SBF2: variants seen among roughly 807,000 people sequenced by gnomAD.
SBF2 encodes the protein myotubularin-related protein 13.
A neutral mutation model predicts 225.2 loss-of-function variants in SBF2; 112 were observed. The ratio of observed to expected loss-of-function variants is 0.50; its 90% CI spans 0.43 to 0.58. The LOEUF is 0.58. SBF2 is among the 20% of genes least tolerant of loss of function. The pLI is 0.00. For missense variants in SBF2, 1,996 were observed against 2,206.2 expected (o/e 0.90, Z 1.91); for synonymous variants, 763 against 773.3 (o/e 0.99, Z 0.22).
chr11:9,895,926 G>C lies in SBF2; in HGVS notation c.1929+17C>G. 1 of 1,563,538 alleles carries C rather than the reference G, an allele frequency of 6.4e-7. No individual in the cohort carries two copies. Among genetic ancestry groups the C allele is most frequent in the Non-Finnish European group, 8.8e-7 (1 of 1,134,252 alleles). On this transcript the variant is annotated intron_variant, in intron 17 of 39. Transcript: ENST00000256190. ...TGTAAATCATAACAAGCTTATATAT[G>C]GACCAATGAAACTTACCCTATAGAA...
At chr11:10,125,108 C>CAA (rs374673085) in intron 2 of SBF2, among the ~76,000 whole-genome samples, 7,593 of 102,132 alleles carry the variant, frequency 0.074, 394 homozygotes, top group East Asian at 0.27. Context: ...GACTGTGTCT[C>CAA]AAAAAAAAAA....
intron 16 of SBF2, among the ~76,000 whole-genome samples, chr11:9,926,343 T>G (rs1864045871): frequency 6.6e-6 from 1 of 152,094 alleles, no homozygotes; most frequent in African/African-American, 2.4e-5. Context: ...TTTTTTTTCC[T>G]TTTAACAAAC....
chr11:10,084,388 T>A (rs138096968), intron 2 of SBF2, among the ~76,000 whole-genome samples: 45 of 152,314 alleles, frequency 3.0e-4, no homozygotes, highest in African/African-American at 1.1e-3. Context: ...GGCATCATCT[T>A]ATACCAGTCA....
At chr11:9,846,533 G>GACTA (rs1856559276) in intron 23 of SBF2, among the ~76,000 whole-genome samples, 1 of 152,116 alleles carries the variant, frequency 6.6e-6, no homozygotes, top group Non-Finnish European at 1.5e-5. Flanking sequence ...CTTTATCAGG[G>GACTA]GTATGCAACT....
chr11:10,286,141 A>T (rs1313365638), intron 1 of SBF2, among the ~76,000 whole-genome samples: 4 of 148,628 alleles, frequency 2.7e-5, no homozygotes, highest in South Asian at 2.1e-4. Context: ...AGAGATTTTA[A>T]ATTTCTTCAC....
At chr11:9,892,344 C>G (rs547171886) in intron 17 of SBF2, among the ~76,000 whole-genome samples, 1 of 151,896 alleles carries the variant, frequency 6.6e-6, no homozygotes, top group South Asian at 2.1e-4. Flanking sequence ...GTCTCGAACT[C>G]CTGGCCTCAA....
At chr11:10,176,994 T>C (rs1956495287) in intron 2 of SBF2, among the ~76,000 whole-genome samples, 2 of 152,064 alleles carry the variant, frequency 1.3e-5, no homozygotes, top group African/African-American at 4.8e-5. Flanking sequence ...TTATCCACCA[T>C]GATCAAGTGG....
intron 2 of SBF2, among the ~76,000 whole-genome samples, chr11:10,109,848 T>C (rs1456164558): frequency 6.6e-6 from 1 of 152,234 alleles, no homozygotes; most frequent in African/African-American, 2.4e-5. Flanking sequence ...AACAGTGTTT[T>C]CACATACCTT....
intron 4 of SBF2, 135 bp from the exon 5 acceptor site, chr11:10,030,010 A>C: frequency 1.4e-6 from 1 of 690,308 alleles, no homozygotes; most frequent in South Asian, 1.6e-5. Context: ...ATACATTTTA[A>C]ACAGCAAAAA....
At chr11:9,936,597 T>C (rs1565029913) in intron 16 of SBF2, among the ~76,000 whole-genome samples, 2 of 152,278 alleles carry the variant, frequency 1.3e-5, no homozygotes, top group Admixed American at 6.5e-5. Flanking sequence ...ATGTGGCACA[T>C]ATACACCATG....
At chr11:9,872,441 C>T (rs1695042848) in intron 17 of SBF2, among the ~76,000 whole-genome samples, 2 of 151,970 alleles carry the variant, frequency 1.3e-5, no homozygotes, top group Non-Finnish European at 1.5e-5. Flanking sequence ...TGCATGTACC[C>T]CTGGACTTAA....
At chr11:10,131,467 CTT>C (rs1188928331) in intron 2 of SBF2, among the ~76,000 whole-genome samples, 2 of 151,776 alleles carry the variant, frequency 1.3e-5, no homozygotes, top group Non-Finnish European at 2.9e-5. Flanking sequence ...TTGTTTTGCT[CTT>C]GTTGCCCAGG....
chr11:10,199,134 A>G (rs935491529), intron 1 of SBF2, among the ~76,000 whole-genome samples: 2 of 152,058 alleles, frequency 1.3e-5, no homozygotes, highest in Admixed American at 6.6e-5. Context: ...TCTTCCTTTC[A>G]CTTGACCACT....
chr11:9,855,871 G>T (rs895024434), intron 19 of SBF2, among the ~76,000 whole-genome samples: 2 of 152,220 alleles, frequency 1.3e-5, no homozygotes, highest in African/African-American at 2.4e-5. Context: ...CAGTACAAAG[G>T]ATGTGAGGCA....
At chr11:9,864,535 C>T (rs1402937549) in intron 17 of SBF2, among the ~76,000 whole-genome samples, 3 of 152,040 alleles carry the variant, frequency 2.0e-5, no homozygotes, top group African/African-American at 7.2e-5. Context: ...CACAGGCACA[C>T]ACCACCATGC....
At chr11:10,207,508 C>T (rs1300436257) in intron 1 of SBF2, among the ~76,000 whole-genome samples, 2 of 152,128 alleles carry the variant, frequency 1.3e-5, no homozygotes, top group African/African-American at 4.8e-5. Context: ...GGGCAATATT[C>T]TTCATGCTTA....
chr11:10,245,453 C>T (rs1333141683), intron 1 of SBF2, among the ~76,000 whole-genome samples: 1 of 151,912 alleles, frequency 6.6e-6, no homozygotes, highest in Non-Finnish European at 1.5e-5. Context: ...AATGAGATAT[C>T]ACCTTATGTA....
chr11:10,233,200 A>T (rs979859336), intron 1 of SBF2, among the ~76,000 whole-genome samples: 2 of 152,128 alleles, frequency 1.3e-5, no homozygotes, highest in African/African-American at 4.8e-5. Context: ...TTTATATACA[A>T]ATTGAACTCT....
chr11:10,129,384 T>C (rs1324018202), intron 2 of SBF2, among the ~76,000 whole-genome samples: 1 of 152,192 alleles, frequency 6.6e-6, no homozygotes, highest in Non-Finnish European at 1.5e-5. Flanking sequence ...ATTACAGGCA[T>C]GAGCCACCGC....
Sources: gnomAD v4.1 joint callset for allele counts (sites outside exome capture counted in the v4.1 genomes callset) on GRCh38, gnomAD v4.1.1 for gene constraint, MANE v1.5 for transcripts, NCBI Gene and HGNC (gene_info 2026-07-23, HGNC 2026-07-21) for gene names.